Variants in ANKRD30B observed in about 807,000 individuals in gnomAD.
ANKRD30B encodes ankyrin repeat domain-containing protein 30B.
In ANKRD30B, 144 loss-of-function variants were observed where a neutral mutation model predicts 202.2. That is an observed-to-expected ratio of 0.71 (90% CI 0.62 to 0.82). The LOEUF (loss-of-function observed/expected upper bound fraction) is 0.82, where lower values mean the gene tolerates loss of function less well. ANKRD30B is among the 40% of genes least tolerant of loss of function. ANKRD30B has a pLI of 0.00. For missense variants in ANKRD30B, 1,487 were observed against 1,669.1 expected (o/e 0.89, Z 1.90); for synonymous variants, 508 against 561.3 (o/e 0.91, Z 1.34).
the ANKRD30B span, among the ~76,000 whole-genome samples, chr18:14,863,158 G>T: frequency 6.6e-6 from 1 of 152,176 alleles, no homozygotes; most frequent in African/African-American, 2.4e-5. Flanking sequence ...TGCAATATGA[G>T]AAGGACATGA....
rs1186812954 is a variant in ANKRD30B, at chr18:14,826,728, A to ACACACACACACAC, written c.2744-1550_2744-1549insCACACACACACAC. 2.1e-4 allele frequency among the ~76,000 whole-genome samples: 7 copies of ACACACACACACAC among 33,384 alleles called. No homozygotes were observed. In the East Asian group the frequency reaches 5.8e-3, roughly 28 times the overall value. The allele number at this position is 33,384 out of a possible 152,430, so 21.9% of individuals were successfully genotyped here. ...ACACACACACACACACACACACACA[A>ACACACACACACAC]GTACAGTAATTCATCCTTATCCAAG... On this transcript the variant is annotated intron_variant, in intron 32 of 43. Coordinates refer to ENST00000690538, the MANE Select transcript of ANKRD30B (RefSeq NM_001367607.2).
At chr18:14,791,561 C>T (rs1968510715) in intron 16 of ANKRD30B, 70 bp downstream of exon 16, 1 of 1,239,886 alleles carries the variant, frequency 8.1e-7, no homozygotes, top group Non-Finnish European at 1.1e-6. Context: ...GAAGGATATC[C>T]TCTAATAGAT....
intron 39 of ANKRD30B, 132 bp from the exon 40 acceptor site, chr18:14,848,584 T>C (rs1286401175): frequency 3.1e-6 from 2 of 638,334 alleles, no homozygotes; most frequent in Admixed American, 8.3e-5. Flanking sequence ...CAGAGCTTAG[T>C]ATAATGCCTT....
intron 39 of ANKRD30B, among the ~76,000 whole-genome samples, chr18:14,846,129 A>C (rs1271697101): frequency 6.6e-6 from 1 of 151,790 alleles, no homozygotes; most frequent in African/African-American, 2.4e-5. Flanking sequence ...AGAGTCTTCT[A>C]ATGTAGACAT....
chr18:14,855,245 T>C (rs1164786572), downstream of ANKRD30B, among the ~76,000 whole-genome samples: 13 of 152,206 alleles, frequency 8.5e-5, no homozygotes, highest in Non-Finnish European at 1.3e-4. Flanking sequence ...ATTAACAGCA[T>C]CCCAAGGCAG....
the ANKRD30B span, chr18:14,915,698 C>A: frequency 6.6e-6 from 1 of 152,184 alleles, no homozygotes; most frequent in Non-Finnish European, 1.5e-5. Context: ...AACTTTTGTG[C>A]AGATTGATTA....
chr18:14,920,640 T>G, the ANKRD30B span, among the ~76,000 whole-genome samples: 2 of 152,184 alleles, frequency 1.3e-5, no homozygotes, highest in African/African-American at 4.8e-5. Context: ...CTGAAATTAG[T>G]GTTTTGACTT....
At chr18:14,933,778 G>T in the ANKRD30B span, among the ~76,000 whole-genome samples, 5 of 152,106 alleles carry the variant, frequency 3.3e-5, no homozygotes, top group Non-Finnish European at 5.9e-5. Flanking sequence ...GAGGGAAGGC[G>T]CATTGAGACC....
rs1251501230 is a variant in ANKRD30B, at chr18:14,787,116, G to A, written c.1734+16G>A. The A allele has an allele frequency of 6.3e-7, 1 of 1,594,750 alleles. No individual in the cohort carries two copies. The highest frequency in any genetic ancestry group is 8.6e-7 in the Non-Finnish European group (1 of 1,169,564). ...GGATTCTGAGGTACTATGTGTTATT[G>A]ATTTTTTTAAATATTAGTATTGCAT... On this transcript the variant is annotated intron_variant, in intron 15 of 43. Coordinates refer to ENST00000690538, the MANE Select transcript of ANKRD30B (RefSeq NM_001367607.2).
the ANKRD30B span, among the ~76,000 whole-genome samples, chr18:14,920,040 C>A: frequency 9.5e-3 from 1,449 of 152,272 alleles, 30 homozygotes; most frequent in African/African-American, 0.033. Flanking sequence ...CCCAGGAAGG[C>A]AAATCAGCTG....
chr18:14,866,456 C>G, the ANKRD30B span, among the ~76,000 whole-genome samples: 1 of 152,048 alleles, frequency 6.6e-6, no homozygotes, highest in Non-Finnish European at 1.5e-5. Context: ...GGTAGGAGTG[C>G]AGCCTGAGCT....
At chr18:14,832,741 A>T (rs1418935754) in intron 34 of ANKRD30B, among the ~76,000 whole-genome samples, 1 of 152,234 alleles carries the variant, frequency 6.6e-6, no homozygotes, top group Admixed American at 6.5e-5. Context: ...ACTTAAATTT[A>T]TATTTTCTTT....
At chr18:14,896,736 C>A in the ANKRD30B span, among the ~76,000 whole-genome samples, 1 of 139,752 alleles carries the variant, frequency 7.2e-6, no homozygotes, top group Non-Finnish European at 1.5e-5. Context: ...AGATTGTAGG[C>A]TACAAATGCT....
the ANKRD30B span, among the ~76,000 whole-genome samples, chr18:14,872,795 C>T: frequency 3.9e-5 from 6 of 152,180 alleles, no homozygotes; most frequent in South Asian, 8.3e-4. Context: ...GTGCAGGAGT[C>T]GATACAACTG....
the ANKRD30B span, among the ~76,000 whole-genome samples, chr18:14,880,308 G>C: frequency 6.6e-6 from 1 of 152,078 alleles, no homozygotes; most frequent in African/African-American, 2.4e-5. Flanking sequence ...TTGAAATCAA[G>C]TAATGTGATG....
rs780240545 is a variant in ANKRD30B at position 14,796,312 on chromosome 18, T to C, written c.1855-31T>C. 22 of 1,608,548 alleles carry C rather than the reference T, an allele frequency of 1.4e-5. No individual in the cohort carries two copies. In the East Asian group the frequency reaches 4.9e-4, roughly 36 times the overall value. On this transcript the variant is annotated intron_variant, in intron 17 of 43. Coordinates refer to ENST00000690538, the MANE Select transcript of ANKRD30B (RefSeq NM_001367607.2). Reference sequence around the variant, plus strand: ...CATATTTTAGGAAGCATATATTATGTATTAATTTTTGTGTTTCCAAACCCA... The same window carrying C: ...CATATTTTAGGAAGCATATATTATGCATTAATTTTTGTGTTTCCAAACCCA...
At chr18:14,913,072 C>G in the ANKRD30B span, among the ~76,000 whole-genome samples, 155 of 152,348 alleles carry the variant, frequency 1.0e-3, no homozygotes, top group Non-Finnish European at 2.1e-3. Flanking sequence ...CCCATTTTAT[C>G]AGTGCATTTT....
intron 40 of ANKRD30B, among the ~76,000 whole-genome samples, chr18:14,849,376 T>A (rs921947648): frequency 6.6e-6 from 1 of 151,786 alleles, no homozygotes; most frequent in Non-Finnish European, 1.5e-5. Flanking sequence ...AAAATTTATA[T>A]TCATTTACAG....
downstream of ANKRD30B, among the ~76,000 whole-genome samples, chr18:14,858,552 C>T (rs1290331783): frequency 1.1e-4 from 8 of 69,692 alleles, no homozygotes; most frequent in Non-Finnish European, 1.6e-4. Flanking sequence ...TGGGCAGAGG[C>T]GCTCCTCACT....
Sources: gnomAD v4.1 joint callset for allele counts (sites outside exome capture counted in the v4.1 genomes callset) on GRCh38, gnomAD v4.1.1 for gene constraint, MANE v1.5 for transcripts, NCBI Gene and HGNC (gene_info 2026-07-23, HGNC 2026-07-21) for gene names.